The following IGF1R variants were observed in gnomAD, a reference collection of about 807,000 sequenced individuals.
IGF1R encodes insulin-like growth factor 1 receptor.
Under a neutral mutation model 144.6 loss-of-function variants are expected in IGF1R, and 44 were observed. The ratio of observed to expected loss-of-function variants is 0.30; its 90% CI spans 0.24 to 0.39. IGF1R has a LOEUF of 0.39. Among genes scored for constraint, IGF1R ranks in the 10% least tolerant of loss-of-function variants. The pLI is 1.00. For synonymous variants in IGF1R, 795 were observed against 722.8 expected, an observed-to-expected ratio of 1.10 and a Z score of -1.60; for missense variants, 1,355 against 1,833.7, an observed-to-expected ratio of 0.74 and a Z score of 4.77.
intron 1 of IGF1R, among the ~76,000 whole-genome samples, chr15:98,653,157 G>T (rs2052410529): frequency 1.3e-5 from 2 of 152,098 alleles, no homozygotes; most frequent in Admixed American, 6.5e-5. Context: ...AGGAGAAAAA[G>T]AATCTTGGTT....
intron 2 of IGF1R, among the ~76,000 whole-genome samples, chr15:98,848,796 T>G (rs532613104): frequency 1.3e-5 from 2 of 152,182 alleles, no homozygotes; most frequent in Non-Finnish European, 2.9e-5. Context: ...ACATACAAAT[T>G]TATCATCATA....
At position 98,707,093 on chromosome 15, in the gene IGF1R, T is replaced by C. The variant is rs1417106391; in HGVS notation, c.95-469T>C. Among the ~76,000 whole-genome samples, 2 of 151,906 alleles carry C rather than the reference T, an allele frequency of 1.3e-5. No individual in the cohort carries two copies. The highest frequency in any genetic ancestry group is 2.9e-5 in the Non-Finnish European group (2 of 67,964). ...ACAGTGACGGTTCTCCAGTGTAGAGTAGATTGATTGCCCTGTGTCCTTCAG... is the reference window on the plus strand; with the variant it reads ...ACAGTGACGGTTCTCCAGTGTAGAGCAGATTGATTGCCCTGTGTCCTTCAG... On this transcript the variant is annotated intron_variant, in intron 1 of 20. Coordinates refer to ENST00000650285, the MANE Select transcript of IGF1R (RefSeq NM_000875.5). The surrounding 1 kb of genome is among the most constrained non-coding windows in gnomAD (Gnocchi z 6.7).
chr15:98,851,052 C>T (rs543001608), intron 2 of IGF1R, among the ~76,000 whole-genome samples: 8 of 152,338 alleles, frequency 5.3e-5, no homozygotes, highest in Non-Finnish European at 8.8e-5. Context: ...TTTCGGAGCA[C>T]TCCTGCAGGA....
In IGF1R at chr15:98,704,837, A is replaced by G. The variant is rs1186950177; in HGVS notation, c.95-2725A>G. On this transcript the variant is annotated intron_variant, in intron 1 of 20. Coordinates refer to ENST00000650285, the MANE Select transcript of IGF1R (RefSeq NM_000875.5). The surrounding 1 kb of genome is among the most constrained non-coding windows in gnomAD (Gnocchi z 4.9). ...GTGGGGCAGCATTGTGGGAAGAGCAACCAAGATTCTCATAGGCTTGGGAGC... is the reference window on the plus strand; with the variant it reads ...GTGGGGCAGCATTGTGGGAAGAGCAGCCAAGATTCTCATAGGCTTGGGAGC... Among the ~76,000 whole-genome samples, 2 of 152,134 alleles carry G rather than the reference A, an allele frequency of 1.3e-5. No homozygotes were observed. Among genetic ancestry groups the G allele is most frequent in the Non-Finnish European group, 2.9e-5 (2 of 68,034 alleles).
At chr15:98,948,440 C>T (rs1304378713) in intron 19 of IGF1R, 134 bp from the exon 20 acceptor site, 15 of 924,302 alleles carry the variant, frequency 1.6e-5, no homozygotes, top group East Asian at 1.4e-4. Context: ...GGGCCTGGCT[C>T]GCTGTCTGAC....
chr15:98,846,155 C>T (rs1383124532), intron 2 of IGF1R, among the ~76,000 whole-genome samples: 1 of 152,182 alleles, frequency 6.6e-6, no homozygotes, highest in Non-Finnish European at 1.5e-5. Flanking sequence ...ATCAAAGTTG[C>T]TCTTTCAAAT....
At chr15:98,824,134 C>T (rs984291841) in intron 2 of IGF1R, 1 of 152,126 alleles carries the variant, frequency 6.6e-6, no homozygotes, top group African/African-American at 2.4e-5. Context: ...TGACAGCAGC[C>T]TATACAGGAG....
chr15:98,856,506 T>G (rs965860688), intron 2 of IGF1R, among the ~76,000 whole-genome samples: 3 of 152,238 alleles, frequency 2.0e-5, no homozygotes, highest in Non-Finnish European at 4.4e-5. Context: ...AAATGTTAGC[T>G]CATATTTTAC....
intron 2 of IGF1R, among the ~76,000 whole-genome samples, chr15:98,889,581 G>T (rs1463039852): frequency 1.3e-5 from 2 of 152,222 alleles, no homozygotes; most frequent in Admixed American, 6.5e-5. Context: ...AATGTTTGTG[G>T]AATTCACAAT....
Position 98,889,066 on chromosome 15 carries a change from A to G in IGF1R, c.641-2259A>G, listed in dbSNP as rs369165874. 1.7e-4 allele frequency among the ~76,000 whole-genome samples: 26 copies of G among 152,344 alleles called. 1 individual carries two copies. The highest frequency in any genetic ancestry group is 6.3e-4 in the African/African-American group (26 of 41,570). The stretch of plus-strand genomic sequence containing the variant: ...GTTTGTTTATATCTCACTGGCCAGA[A>G]CTTAAGTCATATGGCCACCTCTAGC... On this transcript the variant is annotated intron_variant, in intron 2 of 20. Transcript: ENST00000650285.
At chr15:98,673,263 C>A (rs941182247) in intron 1 of IGF1R, among the ~76,000 whole-genome samples, 1 of 152,190 alleles carries the variant, frequency 6.6e-6, no homozygotes, top group African/African-American at 2.4e-5. Flanking sequence ...TGTATCATTA[C>A]ACTATTTGGT....
chr15:98,715,113 C>A (rs1333720698), intron 2 of IGF1R, among the ~76,000 whole-genome samples: 1 of 152,174 alleles, frequency 6.6e-6, no homozygotes, highest in Non-Finnish European at 1.5e-5. Flanking sequence ...AGAAGGGGGT[C>A]ACATGCCCCC....
chr15:98,696,828 C>T (rs968849505), intron 1 of IGF1R, among the ~76,000 whole-genome samples: 3 of 152,084 alleles, frequency 2.0e-5, no homozygotes, highest in African/African-American at 7.2e-5. Context: ...TGGGATTGGC[C>T]TTCATGGGGC....
intron 2 of IGF1R, among the ~76,000 whole-genome samples, chr15:98,719,122 C>T (rs990880023): frequency 4.6e-5 from 7 of 152,148 alleles, no homozygotes; most frequent in African/African-American, 1.2e-4. Context: ...TTTTGTAATA[C>T]GTCGATACTA....
chr15:98,662,493 AC>A lies in IGF1R; in HGVS notation c.94+12821del, dbSNP rs1486953244. 2.0e-5 allele frequency among the ~76,000 whole-genome samples: 3 copies of A among 151,850 alleles called. No homozygotes were observed. The East Asian group carries it at 5.8e-4, about 29-fold the overall frequency. On this transcript the variant is annotated intron_variant, in intron 1 of 20. Transcript: ENST00000650285. Reference sequence around the variant, plus strand: ...AAGGTGAGTGGTGACAGAGTATGGAACCCTGTTTCTGATATCTAGATTATTT... The same window carrying A: ...AAGGTGAGTGGTGACAGAGTATGGAACCTGTTTCTGATATCTAGATTATTT...
intron 2 of IGF1R, among the ~76,000 whole-genome samples, chr15:98,788,162 G>A (rs930262775): frequency 1.3e-5 from 2 of 151,974 alleles, no homozygotes; most frequent in African/African-American, 4.8e-5. Context: ...ATGCTATTGT[G>A]TAGGAACAAA....
chr15:98,676,526 C>T (rs973519497), intron 1 of IGF1R, among the ~76,000 whole-genome samples: 4 of 151,812 alleles, frequency 2.6e-5, no homozygotes, highest in Non-Finnish European at 4.4e-5. Context: ...CTTCATTATA[C>T]ATGTTAACAT....
chr15:98,835,110 CCCCT>C (rs1448858337), intron 2 of IGF1R, among the ~76,000 whole-genome samples: 47 of 141,260 alleles, frequency 3.3e-4, no homozygotes, highest in African/African-American at 1.3e-3. Context: ...CACACACACA[CCCCT>C]ACACCCACAC....
intron 2 of IGF1R, among the ~76,000 whole-genome samples, chr15:98,861,646 C>G (rs2012165428): frequency 6.6e-6 from 1 of 152,192 alleles, no homozygotes; most frequent in African/African-American, 2.4e-5. Flanking sequence ...CCCGTCTTTA[C>G]CACCTCTGAG....
Sources: gnomAD v4.1 joint callset for allele counts (sites outside exome capture counted in the v4.1 genomes callset) on GRCh38, gnomAD v4.1.1 for gene constraint, Gnocchi (gnomAD v3.1) non-coding constraint, MANE v1.5 for transcripts, NCBI Gene and HGNC (gene_info 2026-07-23, HGNC 2026-07-21) for gene names.